Variants in TNNT3 observed in about 807,000 individuals in gnomAD.
TNNT3 encodes troponin T, fast skeletal muscle.
TNNT3 carries 36 observed loss-of-function variants against 54.2 expected under a neutral mutation model. That is an observed-to-expected ratio of 0.66 (90% CI 0.51 to 0.88). The LOEUF (loss-of-function observed/expected upper bound fraction) is 0.88, where lower values mean the gene tolerates loss of function less well. TNNT3 is among the 40% of genes least tolerant of loss of function. The pLI is 0.00. For missense variants in TNNT3, 291 were observed against 331.6 expected (o/e 0.88, Z 0.95); for synonymous variants, 120 against 109.7 (o/e 1.09, Z -0.59).
intron 8 of TNNT3, among the ~76,000 whole-genome samples, chr11:1,931,488 A>C (rs1258581734): frequency 3.9e-5 from 6 of 152,154 alleles, no homozygotes; most frequent in Admixed American, 2.0e-4. Context: ...GAGAAACGGC[A>C]CCTCATGATT....
At position 1,922,882 on chromosome 11, in the gene TNNT3, A is replaced by T. The variant is rs199899402; in HGVS notation, c.8A>T (p.Asp3Val). The change falls in exon 2 of 16, where the codon GAC (aspartate) becomes GTC (valine). Residue 3 changes from aspartate to valine, a missense_variant. Transcript: ENST00000278317. ...AAACCACCCACCTTCACCATGTCTGACGAGGAAGTGTGAGTACCCAGCTGG... is the reference window on the plus strand; with the variant it reads ...AAACCACCCACCTTCACCATGTCTGTCGAGGAAGTGTGAGTACCCAGCTGG... MSDEEVEQVEEQY... is the reference protein window; with the variant it reads MSVEEVEQVEEQY... 112 of 1,613,566 alleles carry T rather than the reference A, an allele frequency of 6.9e-5. No homozygotes were observed. The East Asian group carries it at 2.4e-3, about 34-fold the overall frequency.
At position 1,933,718 on chromosome 11, in the gene TNNT3, C is replaced by G; in HGVS notation, c.172-3C>G. On this transcript the variant is annotated splice_region_variant and splice_polypyrimidine_tract_variant and intron_variant, in intron 9 of 15. Coordinates refer to ENST00000278317, the MANE Select transcript of TNNT3 (RefSeq NM_006757.4). ...GGCTCACACCCACTGCCCCTGCCCA[C>G]AGGACATCCAGAAGAAGCGTCAGAA... 6.2e-7 allele frequency: 1 copy of G among 1,612,276 alleles called. No individual in the cohort carries two copies. Among genetic ancestry groups the G allele is most frequent in the Non-Finnish European group, 8.5e-7 (1 of 1,179,318 alleles).
At chr11:1,929,032 C>A in intron 6 of TNNT3, 88 bp from the exon 7 acceptor site, 1 of 1,500,656 alleles carries the variant, frequency 6.7e-7, no homozygotes, top group Non-Finnish European at 9.2e-7. Flanking sequence ...GGGCCCCTTG[C>A]CCGCCACAGG....
At chr11:1,923,439 GCAGGGGCA>G in intron 3 of TNNT3, 108 bp from the exon 4 acceptor site, 1 of 1,136,114 alleles carries the variant, frequency 8.8e-7, no homozygotes. Context: ...ACGCTCTTGG[GCAGGGGCA>G]GTCGCTGGCC....
intron 9 of TNNT3, among the ~76,000 whole-genome samples, chr11:1,933,241 C>T (rs1019006371): frequency 1.3e-5 from 2 of 150,952 alleles, no homozygotes; most frequent in Non-Finnish European, 3.0e-5. Context: ...ACCTATCCAT[C>T]CATTCATCCA....
intron 14 of TNNT3, among the ~76,000 whole-genome samples, chr11:1,936,682 G>C (rs758245955): frequency 6.6e-6 from 1 of 151,916 alleles, no homozygotes; most frequent in African/African-American, 2.4e-5. Flanking sequence ...ACATCCTGCC[G>C]CAGGCTGAAG....
chr11:1,925,565 C>A (rs1851351622), intron 5 of TNNT3, among the ~76,000 whole-genome samples: 1 of 152,084 alleles, frequency 6.6e-6, no homozygotes, highest in African/African-American at 2.4e-5. Flanking sequence ...TGTCCCCAAG[C>A]ATGGGGCAGA....
At chr11:1,922,041 G>A (rs548302787) in intron 1 of TNNT3, among the ~76,000 whole-genome samples, 76 of 152,318 alleles carry the variant, frequency 5.0e-4, no homozygotes, top group Middle Eastern at 3.4e-3. Flanking sequence ...CCACAGGGAG[G>A]GAAATGGGGG....
Position 1,922,892 on chromosome 11 carries a change from G to T in TNNT3, c.17+1G>T. 1 of 1,613,734 alleles carries T rather than the reference G, an allele frequency of 6.2e-7. No homozygotes were observed. The stretch of plus-strand genomic sequence containing the variant: ...CCTTCACCATGTCTGACGAGGAAGT[G>T]TGAGTACCCAGCTGGTGGCTGCCCC... On this transcript the variant is annotated splice_donor_variant, in intron 2 of 15. Coordinates refer to ENST00000278317, the MANE Select transcript of TNNT3 (RefSeq NM_006757.4). LOFTEE classifies it high-confidence loss of function.
chr11:1,926,583 C>T, intron 5 of TNNT3, 112 bp from the exon 6 acceptor site: 1 of 1,607,444 alleles, frequency 6.2e-7, no homozygotes, highest in Non-Finnish European at 8.5e-7. Flanking sequence ...CACAGCCTGG[C>T]CTGCTCGCTC....
At chr11:1,929,353 G>A (rs1241857852) in intron 7 of TNNT3, among the ~76,000 whole-genome samples, 4 of 152,118 alleles carry the variant, frequency 2.6e-5, no homozygotes, top group Admixed American at 6.5e-5. Context: ...GGGTGCCACC[G>A]CTCCAAGTTT....
Position 1,932,455 on chromosome 11 carries a change from T to G in TNNT3, c.126-14T>G. The G allele has an allele frequency of 1.2e-6, 2 of 1,613,606 alleles. No individual in the cohort carries two copies. The highest frequency in any genetic ancestry group is 2.2e-5 in the South Asian group (2 of 91,060). ...CCGGGTCTCTGCTCACGGGCCTCTCTGTCTCCTCTTCAGACTCACTGCTCC... is the reference window on the plus strand; with the variant it reads ...CCGGGTCTCTGCTCACGGGCCTCTCGGTCTCCTCTTCAGACTCACTGCTCC... On this transcript the variant is annotated splice_polypyrimidine_tract_variant and intron_variant, in intron 8 of 15. Coordinates refer to ENST00000278317, the MANE Select transcript of TNNT3 (RefSeq NM_006757.4).
chr11:1,933,061 C>A (rs1271167480), intron 9 of TNNT3, among the ~76,000 whole-genome samples: 1 of 151,308 alleles, frequency 6.6e-6, no homozygotes, highest in Non-Finnish European at 1.5e-5. Flanking sequence ...ATCTACTCAT[C>A]CATCCATCGA....
At chr11:1,928,514 C>G (rs1019638492) in intron 6 of TNNT3, among the ~76,000 whole-genome samples, 1 of 152,210 alleles carries the variant, frequency 6.6e-6, no homozygotes, top group Middle Eastern at 3.4e-3. Flanking sequence ...GGGCTCCTGG[C>G]CTGTGGGTGG....
rs1855033135 is a variant in TNNT3, at chr11:1,936,343, T to C, written c.682-620T>C. 9 of 1,461,748 alleles carry C rather than the reference T, an allele frequency of 6.2e-6. No individual in the cohort carries two copies. The South Asian group carries it at 1.0e-4, about 17-fold the overall frequency. 90.5% of individuals were successfully genotyped at this position (1,461,748 alleles called of 1,614,324 possible). Reference sequence around the variant, plus strand: ...CTCGCATGGCAAAAACCTGGATCGCTCAGGATGCTGGCGGCAGGGGGCCTG... The same window carrying C: ...CTCGCATGGCAAAAACCTGGATCGCCCAGGATGCTGGCGGCAGGGGGCCTG... On this transcript the variant is annotated intron_variant, in intron 14 of 15. Transcript: ENST00000278317.
intron 8 of TNNT3, among the ~76,000 whole-genome samples, chr11:1,931,689 TTA>T (rs1853398363): frequency 6.6e-6 from 1 of 151,862 alleles, no homozygotes; most frequent in African/African-American, 2.4e-5. Context: ...AAAATTTTTT[TTA>T]GTCTTTTTTT....
In TNNT3 at chr11:1,937,086, C is replaced by T. The variant is rs570945046; in HGVS notation, c.722+83C>T. The T allele has an allele frequency of 3.0e-4, 436 of 1,447,196 alleles. No individual in the cohort carries two copies. The African/African-American group carries it at 5.4e-3, about 18-fold the overall frequency. The allele number at this position is 1,447,196 out of a possible 1,614,324, so 89.6% of individuals were successfully genotyped here. ...GCTGTAGCCAGTCCCTAACAAGGGCCGGTGGTGGCTGGCCTCGGCAGGGCA... is the reference window on the plus strand; with the variant it reads ...GCTGTAGCCAGTCCCTAACAAGGGCTGGTGGTGGCTGGCCTCGGCAGGGCA... On this transcript the variant is annotated intron_variant, in intron 15 of 15. Transcript: ENST00000278317.
At chr11:1,930,256 C>T (rs1330654993) in intron 8 of TNNT3, among the ~76,000 whole-genome samples, 1 of 152,160 alleles carries the variant, frequency 6.6e-6, no homozygotes, top group East Asian at 1.9e-4. Flanking sequence ...GTCTGGCCAC[C>T]GCAACACCCC....
intron 14 of TNNT3, chr11:1,935,197 G>A (rs573691159): frequency 1.5e-5 from 8 of 539,566 alleles, no homozygotes; most frequent in Non-Finnish European, 2.3e-5. Flanking sequence ...AAGGACTGTC[G>A]TGGCAGAGCA....
Sources: allele counts gnomAD v4.1 joint callset (sites outside exome capture counted in the v4.1 genomes callset), GRCh38; gene constraint gnomAD v4.1.1; transcripts MANE v1.5; gene names NCBI Gene and HGNC (gene_info 2026-07-23, HGNC 2026-07-21).